Variants in ACYP1 observed in about 807,000 individuals in gnomAD.
The protein encoded by ACYP1 is acylphosphatase 1, also known as acylphosphatase-1.
A neutral mutation model predicts 10.4 loss-of-function variants in ACYP1; 8 were observed. The observed-to-expected ratio is 0.77, with a 90% CI of 0.45 to 1.38. The LOEUF (loss-of-function observed/expected upper bound fraction) is 1.38. Ranked by LOEUF, ACYP1 falls within the 40% of genes most tolerant of loss-of-function variation. The pLI is 0.00. For synonymous variants in ACYP1, 38 were observed against 40.8 expected (o/e 0.93, Z 0.26); for missense variants, 93 against 117.3 (o/e 0.79, Z 0.96).
chr14:75,068,298 A>G (rs537261333), upstream of ACYP1, among the ~76,000 whole-genome samples: 16 of 152,284 alleles, frequency 1.1e-4, no homozygotes, highest in South Asian at 3.3e-3. Flanking sequence ...TCCGTCTCAA[A>G]AAACAAAAAA....
chr14:75,059,176 T>TAAAAAA (rs71119344), intron 2 of ACYP1, among the ~76,000 whole-genome samples: 1 of 97,370 alleles, frequency 1.0e-5, no homozygotes, highest in African/African-American at 4.1e-5. Flanking sequence ...GACTCTGTCT[T>TAAAAAA]AAAAAAAAAA....
intron 2 of ACYP1, among the ~76,000 whole-genome samples, chr14:75,058,592 C>T (rs1892941908): frequency 6.6e-6 from 1 of 151,332 alleles, no homozygotes; most frequent in Non-Finnish European, 1.5e-5. Context: ...CATTATGTCC[C>T]ACTTTCAACA....
rs1019459105 is a variant in ACYP1, at chr14:75,053,373, A to G, written c.*71T>C. On this transcript the variant is annotated 3_prime_UTR_variant, in exon 3 of 3. Coordinates refer to ENST00000238618, the MANE Select transcript of ACYP1 (RefSeq NM_001107.5). ...TTGACTAATGCTAATATTAACACAC[A>G]ATAGTTCTATCTCTATTAATAATAA... The G allele has an allele frequency of 7.3e-7, 1 of 1,361,948 alleles. No individual in the cohort carries two copies. The highest frequency in any genetic ancestry group is 1.4e-5 in the African/African-American group (1 of 69,518). The allele number at this position is 1,361,948 out of a possible 1,614,324, so 84.4% of individuals were successfully genotyped here.
At chr14:75,062,815 T>C (rs1893061930) in intron 2 of ACYP1, among the ~76,000 whole-genome samples, 1 of 152,158 alleles carries the variant, frequency 6.6e-6, no homozygotes, top group African/African-American at 2.4e-5. Flanking sequence ...ATTAGCCACA[T>C]TAAAGCAGAG....
rs780727069 is a variant in ACYP1 at position 75,053,584 on chromosome 14, C to A, written c.160G>T (p.Gly54Cys). 1 of 1,614,164 alleles carries A rather than the reference C, an allele frequency of 6.2e-7. No individual in the cohort carries two copies. The highest frequency in any genetic ancestry group is 1.3e-5 in the African/African-American group (1 of 75,028). ...DRGTVQGQLQGPISKVRHMQE... is the reference protein window; with the variant it reads ...DRGTVQGQLQCPISKVRHMQE... ...ATATGACGCACCTTGGAGATGGGAC[C>A]TTGCAATTGTCCTTGCACTGTGCCC... Residue 54 changes from glycine (G) to cysteine (C), a missense_variant, in exon 3 of 3, where the codon GGT becomes TGT. Physicochemically the swap from Gly to Cys is radical, Grantham distance 159. Coordinates refer to ENST00000238618, the MANE Select transcript of ACYP1 (RefSeq NM_001107.5).
upstream of ACYP1, among the ~76,000 whole-genome samples, chr14:75,065,716 T>A (rs1311951731): frequency 6.6e-6 from 1 of 151,794 alleles, no homozygotes; most frequent in African/African-American, 2.4e-5. Context: ...CATTGAGAGC[T>A]CATCAGGAAC....
At position 75,057,978 on chromosome 14, in the gene ACYP1, AAAAAAAAAAAG is replaced by A. The variant is rs1363303475; in HGVS notation, c.85-4330_85-4320del. Reference sequence around the variant, plus strand: ...AGACTCTGTCTCAAAAAAAAAAAAAAAAAAAAAAAAGAACTACCTGCTGAGGCTGGGTAATT... The same window carrying A: ...AGACTCTGTCTCAAAAAAAAAAAAAAAACTACCTGCTGAGGCTGGGTAATT... On this transcript the variant is annotated intron_variant, in intron 2 of 2. Coordinates refer to ENST00000238618, the MANE Select transcript of ACYP1 (RefSeq NM_001107.5). Among the ~76,000 whole-genome samples the A allele has an allele frequency of 6.6e-4, 97 of 147,448 alleles. 5 individuals carry two copies. The highest frequency in any genetic ancestry group is 4.2e-4 in the Non-Finnish European group (28 of 67,010).
chr14:75,061,203 T>C (rs1893007834), intron 2 of ACYP1, among the ~76,000 whole-genome samples: 2 of 152,210 alleles, frequency 1.3e-5, no homozygotes, highest in Non-Finnish European at 2.9e-5. Context: ...GGTTTCTTTT[T>C]GGGATGATGA....
At chr14:75,065,589 A>C (rs1893128834), upstream of ACYP1, among the ~76,000 whole-genome samples, 1 of 152,252 alleles carries the variant, frequency 6.6e-6, no homozygotes, top group African/African-American at 2.4e-5. Context: ...GGATATACAA[A>C]GATGAATGAT....
intron 2 of ACYP1, 104 bp downstream of exon 2, chr14:75,063,366 C>T: frequency 1.1e-6 from 1 of 893,130 alleles, no homozygotes; most frequent in Non-Finnish European, 1.9e-6. Context: ...TGCCATGCAG[C>T]TACCAAATAG....
chr14:75,057,308 A>G (rs1892900006), intron 2 of ACYP1, among the ~76,000 whole-genome samples: 1 of 151,616 alleles, frequency 6.6e-6, no homozygotes. Context: ...ATTGCACGAC[A>G]TATATGGAAA....
chr14:75,063,929 A>AC (rs1893094424), intron 1 of ACYP1, 25 bp downstream of exon 1: 1 of 1,002,930 alleles, frequency 1.0e-6, no homozygotes, highest in Non-Finnish European at 1.2e-6. Flanking sequence ...TGAGAAGCAC[A>AC]CCCTGGGGGC....
intron 2 of ACYP1, among the ~76,000 whole-genome samples, chr14:75,055,399 T>C (rs1892852339): frequency 6.6e-6 from 1 of 151,386 alleles, no homozygotes; most frequent in Non-Finnish European, 1.5e-5. Context: ...ATCTGAACTC[T>C]TGAGAGTTGA....
At chr14:75,054,549 T>C (rs1272388499) in intron 2 of ACYP1, among the ~76,000 whole-genome samples, 1 of 151,632 alleles carries the variant, frequency 6.6e-6, no homozygotes, top group Non-Finnish European at 1.5e-5. Flanking sequence ...TTAAAGTAAT[T>C]ATCTAAATAG....
exon 1 of ACYP1, chr14:75,069,438 G>A (rs1473925854): frequency 8.0e-6 from 5 of 623,788 alleles, no homozygotes; most frequent in Non-Finnish European, 1.3e-5. Flanking sequence ...GCCCCTCCCC[G>A]GCTCCCCAAG....
At chr14:75,069,065 A>T in intron 1 of ACYP1, 3 of 825,234 alleles carry the variant, frequency 3.6e-6, no homozygotes, top group Non-Finnish European at 5.4e-6. Context: ...GGCTAGAATT[A>T]CCACGTGAGT....
At chr14:75,069,323 GGGCCTCC>G in exon 1 of ACYP1, 1 of 1,412,532 alleles carries the variant, frequency 7.1e-7, no homozygotes, top group Non-Finnish European at 9.1e-7. Flanking sequence ...GGCACAGCCA[GGGCCTCC>G]GCCCTTTGCC....
chr14:75,068,655 T>C (rs928509529), upstream of ACYP1, among the ~76,000 whole-genome samples: 2 of 150,964 alleles, frequency 1.3e-5, no homozygotes, highest in African/African-American at 4.9e-5. Context: ...GTGGGAAACG[T>C]CTGGAGCTGC....
upstream of ACYP1, among the ~76,000 whole-genome samples, chr14:75,067,923 G>A (rs1385187048): frequency 6.6e-6 from 1 of 151,414 alleles, no homozygotes; most frequent in Non-Finnish European, 1.5e-5. Context: ...CACTTGAGCT[G>A]TGGAAGTTGA....
Sources: gnomAD v4.1 joint callset for allele counts (sites outside exome capture counted in the v4.1 genomes callset) on GRCh38, gnomAD v4.1.1 for gene constraint, MANE v1.5 for transcripts, NCBI Gene and HGNC (gene_info 2026-07-23, HGNC 2026-07-21) for gene names.